The following PON1 variants were observed in gnomAD, a reference collection of about 807,000 sequenced individuals.
The protein encoded by PON1 is paraoxonase 1, also known as serum paraoxonase/arylesterase 1.
A neutral mutation model predicts 39.2 loss-of-function variants in PON1; 37 were observed. That is an observed-to-expected ratio of 0.94 (90% CI 0.73 to 1.24). The LOEUF (loss-of-function observed/expected upper bound fraction) is 1.24, where lower values mean the gene tolerates loss of function less well. Ranked by LOEUF, PON1 falls within the 50% of genes most tolerant of loss-of-function variation. PON1 has a pLI of 0.00. For synonymous variants in PON1, 148 were observed against 152.2 expected, an observed-to-expected ratio of 0.97 and a Z score of 0.21; for missense variants, 397 against 413.5, an observed-to-expected ratio of 0.96 and a Z score of 0.35.
In PON1 at chr7:95,311,153, GA is replaced by G. The variant is rs1483186066; in HGVS notation, c.497+297del. On this transcript the variant is annotated intron_variant, in intron 5 of 8. Transcript: ENST00000222381. The stretch of plus-strand genomic sequence containing the variant: ...TTATCTATGAAGCCGGTTTGGGTTT[GA>G]AATACTAAGTCTGGTTCTGAAGAAG... Among the ~76,000 whole-genome samples the G allele has an allele frequency of 7.1e-5, 10 of 141,270 alleles. No homozygotes were observed. In the East Asian group the frequency reaches 2.5e-3, roughly 35 times the overall value. The allele number at this position is 141,270 out of a possible 152,430, so 92.7% of individuals were successfully genotyped here.
intron 4 of PON1, among the ~76,000 whole-genome samples, chr7:95,314,908 G>A (rs1054086081): frequency 5.9e-5 from 9 of 152,174 alleles, no homozygotes; most frequent in African/African-American, 2.2e-4. Context: ...TAATGGGACC[G>A]GCAGAAAGCT....
chr7:95,306,062 T>C (rs2116305710), intron 7 of PON1, among the ~76,000 whole-genome samples: 1 of 152,252 alleles, frequency 6.6e-6, no homozygotes, highest in African/African-American at 2.4e-5. Flanking sequence ...GCAGAAAGAA[T>C]GCAAGGTTCA....
intron 1 of PON1, among the ~76,000 whole-genome samples, chr7:95,319,884 C>T (rs2116325817): frequency 6.6e-6 from 1 of 152,298 alleles, no homozygotes; most frequent in South Asian, 2.1e-4. Context: ...AAACAATACT[C>T]ATCCTAATCT....
intron 4 of PON1, among the ~76,000 whole-genome samples, chr7:95,312,478 G>T (rs779321900): frequency 6.6e-6 from 1 of 152,194 alleles, no homozygotes; most frequent in Non-Finnish European, 1.5e-5. Context: ...ACCCCATTCA[G>T]CAAACAAGTG....
chr7:95,310,860 G>C (rs1270830527), intron 5 of PON1, among the ~76,000 whole-genome samples: 2 of 152,232 alleles, frequency 1.3e-5, no homozygotes, highest in Non-Finnish European at 2.9e-5. Flanking sequence ...AATCTTCACA[G>C]GGCATGTGAG....
intron 5 of PON1, among the ~76,000 whole-genome samples, chr7:95,309,921 A>G (rs759721154): frequency 5.9e-5 from 9 of 152,264 alleles, no homozygotes; most frequent in Non-Finnish European, 1.3e-4. Context: ...GCAGAACTCT[A>G]GTTAATTACG....
intron 7 of PON1, among the ~76,000 whole-genome samples, chr7:95,304,215 A>T (rs1330175263): frequency 6.6e-6 from 1 of 151,534 alleles, no homozygotes; most frequent in African/African-American, 2.4e-5. Context: ...TGTTCTAGGT[A>T]CTTCCTATTA....
At chr7:95,306,785 T>G (rs1005599271) in intron 6 of PON1, among the ~76,000 whole-genome samples, 9 of 151,944 alleles carry the variant, frequency 5.9e-5, no homozygotes, top group African/African-American at 1.7e-4. Flanking sequence ...CCAGAGAAAA[T>G]ATGAGAGAAG....
In PON1 at chr7:95,308,068, C is replaced by T. The variant is rs755532074; in HGVS notation, c.641G>A (p.Arg214Gln). The change falls in exon 6 of 9, where the codon CGA becomes CAA. Residue 214 changes from arginine (R) to glutamine (Q), a missense_variant. Coordinates refer to ENST00000222381, the MANE Select transcript of PON1 (RefSeq NM_000446.7). ...AAAATCAAATCCTTCTGCCACCACT[C>T]GAACTTCACTTGGACTATAGTAGAC... ...YVVYYSPSEV[R>Q]VVAEGFDFAN... 22 of 1,614,076 alleles carry T rather than the reference C, an allele frequency of 1.4e-5. No individual in the cohort carries two copies. Among genetic ancestry groups the T allele is most frequent in the Middle Eastern group, 3.3e-4 (2 of 6,060 alleles).
intron 5 of PON1, among the ~76,000 whole-genome samples, chr7:95,309,317 A>G (rs942718071): frequency 3.1e-4 from 47 of 151,724 alleles, no homozygotes; most frequent in African/African-American, 1.1e-3. Context: ...ACAACATGAA[A>G]AAAAAAAAAA....
At chr7:95,302,128 A>AAAAAAAAAAAAAAAAAAAT (rs2116298905) in intron 8 of PON1, 77 bp downstream of exon 8, 3 of 1,070,190 alleles carry the variant, frequency 2.8e-6, no homozygotes, top group East Asian at 2.9e-5. Flanking sequence ...AAAACCAAGA[A>AAAAAAAAAAAAAAAAAAAT]TTGAGAATTA....
At chr7:95,321,941 C>T (rs1453713642) in intron 1 of PON1, among the ~76,000 whole-genome samples, 6 of 152,092 alleles carry the variant, frequency 3.9e-5, no homozygotes, top group African/African-American at 1.2e-4. Context: ...TCTTTTGCTC[C>T]CAGTAGACTT....
intron 1 of PON1, among the ~76,000 whole-genome samples, chr7:95,321,291 G>C (rs1807891328): frequency 6.6e-6 from 1 of 152,208 alleles, no homozygotes; most frequent in South Asian, 2.1e-4. Context: ...GTTTGGAGAG[G>C]ACGAACATCC....
intron 6 of PON1, among the ~76,000 whole-genome samples, chr7:95,307,746 A>T (rs1807571276): frequency 6.6e-6 from 1 of 152,192 alleles, no homozygotes; most frequent in South Asian, 2.1e-4. Flanking sequence ...AAAGCTATTC[A>T]GACATATCAA....
At chr7:95,311,318 A>C (rs1563597699) in intron 5 of PON1, 133 bp downstream of exon 5, 3 of 1,079,910 alleles carry the variant, frequency 2.8e-6, no homozygotes. Flanking sequence ...TCAGAAGAGC[A>C]TGTGGAGGAG....
At chr7:95,304,739 G>A (rs983337995) in intron 7 of PON1, among the ~76,000 whole-genome samples, 1 of 152,050 alleles carries the variant, frequency 6.6e-6, no homozygotes. Flanking sequence ...CAAATTACTT[G>A]GCACTCTCGG....
chr7:95,306,203 C>T (rs1389840751), intron 7 of PON1, 82 bp downstream of exon 7: 2 of 1,232,410 alleles, frequency 1.6e-6, no homozygotes, highest in Non-Finnish European at 2.4e-6. Context: ...ATTAAGCAGT[C>T]CTTTTTTCTT....
At chr7:95,316,298 C>T (rs929985239) in intron 3 of PON1, among the ~76,000 whole-genome samples, 12 of 152,064 alleles carry the variant, frequency 7.9e-5, no homozygotes, top group African/African-American at 2.9e-4. Flanking sequence ...GAATTGGGAC[C>T]TATCAACAAT....
chr7:95,312,114 A>G (rs1807668299), intron 4 of PON1, among the ~76,000 whole-genome samples: 1 of 152,240 alleles, frequency 6.6e-6, no homozygotes, highest in South Asian at 2.1e-4. Flanking sequence ...CTGGCAAGTA[A>G]AAGTTAGATT....
Sources: gnomAD v4.1 joint callset for allele counts (sites outside exome capture counted in the v4.1 genomes callset) on GRCh38, gnomAD v4.1.1 for gene constraint, MANE v1.5 for transcripts, NCBI Gene and HGNC (gene_info 2026-07-23, HGNC 2026-07-21) for gene names.